Variants in NELFA observed in about 807,000 individuals in gnomAD.
The protein encoded by NELFA is negative elongation factor complex member A, also known as negative elongation factor A.
In NELFA, 35 loss-of-function variants were observed where a neutral mutation model predicts 51.8. The ratio of observed to expected loss-of-function variants is 0.68; its 90% CI spans 0.52 to 0.90. The LOEUF is 0.90. Ranked by LOEUF, NELFA falls within the 40% of genes least tolerant of loss-of-function variation. The pLI, the probability that NELFA is intolerant of heterozygous loss-of-function variation, is 0.00. For synonymous variants in NELFA, 417 were observed against 338.4 expected (o/e 1.23, Z -2.55); for missense variants, 658 against 746.4 (o/e 0.88, Z 1.38).
intron 1 of NELFA, chr4:1,992,182 A>AG: frequency 4.6e-6 from 1 of 216,072 alleles, no homozygotes; most frequent in Non-Finnish European, 9.4e-6. Context: ...CCTGGGCAGC[A>AG]GGGGGTGGGG....
chr4:2,002,139 G>A (rs1016123275), intron 1 of NELFA, among the ~76,000 whole-genome samples: 2 of 152,046 alleles, frequency 1.3e-5, no homozygotes, highest in East Asian at 1.9e-4. Flanking sequence ...GGCGGAGCTT[G>A]CAATGAGCCA....
chr4:1,986,456 C>G (rs770096895), intron 4 of NELFA, 54 bp from the exon 5 acceptor site: 2 of 1,596,636 alleles, frequency 1.3e-6, no homozygotes, highest in Non-Finnish European at 1.7e-6. Flanking sequence ...AAACGTCCCC[C>G]ACCCCGAGCT....
chr4:1,983,153 A>G lies in NELFA; in HGVS notation c.*166T>C. ...TTAAAATTTTAAAAATAAGCCCCAA[A>G]TACCCCAGAGAAATGCATCCAGAAC... On this transcript the variant is annotated 3_prime_UTR_variant, in exon 11 of 11. Transcript: ENST00000382882. 1.8e-6 allele frequency: 1 copy of G among 563,474 alleles called. No homozygotes were observed. The highest frequency in any genetic ancestry group is 3.0e-6 in the Non-Finnish European group (1 of 336,970). The allele number at this position is 563,474 out of a possible 1,614,324, so 34.9% of individuals were successfully genotyped here.
chr4:1,986,291 C>A lies in NELFA; in HGVS notation c.746G>T (p.Arg249Leu), dbSNP rs370942710. ...GCCTACCTTCACACCTCGTTCCTTC[C>A]GCAGCAGCGTCCTGGAAGGCGGGAT... is the stretch of plus-strand genomic sequence containing the variant. Reference protein sequence around the residue: ...TPIPPSRTLLRKERGVKLLDI... With the variant: ...TPIPPSRTLLLKERGVKLLDI... Residue 249 changes from arginine (R) to leucine (L), a missense_variant, in exon 5 of 11, where the codon CGG (arginine) becomes CTG (leucine). By Grantham distance (102) the Arg-to-Leu change is moderately radical. Transcript: ENST00000382882. 2 of 1,585,490 alleles carry A rather than the reference C, an allele frequency of 1.3e-6. No homozygotes were observed. Among genetic ancestry groups the A allele is most frequent in the Non-Finnish European group, 8.6e-7 (1 of 1,165,724 alleles).
Position 1,983,913 on chromosome 4 carries a change from C to T in NELFA, c.1237G>A (p.Ala413Thr), listed in dbSNP as rs1268522089. The T allele has an allele frequency of 4.4e-6, 7 of 1,605,278 alleles. No individual in the cohort carries two copies. The South Asian group carries it at 7.8e-5, about 18-fold the overall frequency. Reference sequence around the variant, plus strand: ...GCCTGGGTCTGCGGGGCCACCATGGCAACCGGGGGTGTCTGAGTGGTAGGG... The same window carrying T: ...GCCTGGGTCTGCGGGGCCACCATGGTAACCGGGGGTGTCTGAGTGGTAGGG... Reference protein sequence around the residue: ...VAPTTQTPPVAMVAPQTQAPA... With the variant: ...VAPTTQTPPVTMVAPQTQAPA... Residue 413 changes from alanine to threonine, a missense_variant, in exon 9 of 11, where the codon GCC becomes ACC. Coordinates refer to ENST00000382882, the MANE Select transcript of NELFA (RefSeq NM_005663.5).
chr4:1,989,868 C>T lies in NELFA; in HGVS notation c.384G>A (p.Val128=), dbSNP rs1428475076. The part of the protein sequence containing the change: ...QDILGELREK[V]GECEASAMLP... ...GCATGGCAGACGCTTCACACTCACC[C>T]ACTGCCGGTAAGAACCACATGAAGT... The change falls in exon 3 of 11, where the codon GTG becomes GTA. Residue 128 remains valine, a splice_region_variant and synonymous_variant. Coordinates refer to ENST00000382882, the MANE Select transcript of NELFA (RefSeq NM_005663.5). The surrounding 1 kb of genome is among the most constrained non-coding windows in gnomAD (Gnocchi z 4.8). 2 of 1,612,988 alleles carry T rather than the reference C, an allele frequency of 1.2e-6. No homozygotes were observed. Among genetic ancestry groups the T allele is most frequent in the Non-Finnish European group, 1.7e-6 (2 of 1,179,504 alleles).
chr4:1,998,788 T>C (rs1239854951), intron 1 of NELFA, among the ~76,000 whole-genome samples: 1 of 151,984 alleles, frequency 6.6e-6, no homozygotes, highest in Non-Finnish European at 1.5e-5. Context: ...ATTTGGGAAA[T>C]ACAGAGAACC....
At chr4:1,994,558 CTG>C (rs1484571938) in intron 1 of NELFA, among the ~76,000 whole-genome samples, 2 of 148,320 alleles carry the variant, frequency 1.3e-5, no homozygotes, top group African/African-American at 2.5e-5. Context: ...GAGCAAGAGT[CTG>C]TCAAAAAAAA....
At chr4:2,001,988 C>T (rs1447044927) in intron 1 of NELFA, among the ~76,000 whole-genome samples, 3 of 151,404 alleles carry the variant, frequency 2.0e-5, no homozygotes, top group African/African-American at 4.9e-5. Context: ...ATCATGAGGT[C>T]AGGAGATCGA....
chr4:2,002,116 C>T (rs554690118), intron 1 of NELFA, among the ~76,000 whole-genome samples: 44 of 151,960 alleles, frequency 2.9e-4, no homozygotes, highest in Non-Finnish European at 4.1e-4. Context: ...AGGAGAATGG[C>T]GTGAACCCGG....
chr4:1,988,857 C>A (rs1468729909), intron 3 of NELFA, among the ~76,000 whole-genome samples: 1 of 152,160 alleles, frequency 6.6e-6, no homozygotes. Flanking sequence ...CTGGCACCCA[C>A]CGTGCCCAAC....
At chr4:1,993,536 C>T (rs866896181) in intron 1 of NELFA, among the ~76,000 whole-genome samples, 8 of 148,096 alleles carry the variant, frequency 5.4e-5, no homozygotes, top group African/African-American at 2.0e-4. Flanking sequence ...TGAGATCGCA[C>T]CATTGCACTC....
At chr4:1,984,343 C>T (rs567265561) in intron 8 of NELFA, among the ~76,000 whole-genome samples, 1 of 152,162 alleles carries the variant, frequency 6.6e-6, no homozygotes, top group Non-Finnish European at 1.5e-5. Flanking sequence ...GGACTCTGGC[C>T]AGCTGCTGGC....
chr4:1,983,568 AC>A (rs1355960499), intron 10 of NELFA, 27 bp downstream of exon 10: 1 of 1,611,948 alleles, frequency 6.2e-7, no homozygotes, highest in East Asian at 2.2e-5. Flanking sequence ...GGCCCGGTGC[AC>A]CCCCAGGCCC....
chr4:1,999,264 C>G (rs949052383), intron 1 of NELFA, among the ~76,000 whole-genome samples: 3 of 151,132 alleles, frequency 2.0e-5, no homozygotes, highest in African/African-American at 7.3e-5. Flanking sequence ...CAGATACCAT[C>G]ATGATTACAG....
At position 1,987,976 on chromosome 4, in the gene NELFA, G is replaced by A. The variant is rs141487430; in HGVS notation, c.576C>T (p.Ser192=). ...STETAQQLKR[S]AGVPFHAKGR... ...CCTTGGCGTGGAAGGGCACCCCGGC[G>A]CTCCGCTTCAACTGCTGGGCGGTCT... Residue 192 remains serine, a synonymous_variant, in exon 4 of 11, where the codon AGC becomes AGT. Transcript: ENST00000382882. 130 of 1,611,120 alleles carry A rather than the reference G, an allele frequency of 8.1e-5. No homozygotes were observed. The highest frequency in any genetic ancestry group is 3.3e-4 in the Middle Eastern group (2 of 6,078).
chr4:1,983,564 G>A lies in NELFA; in HGVS notation c.1402+32C>T, dbSNP rs746264467. On this transcript the variant is annotated intron_variant, in intron 10 of 10. Transcript: ENST00000382882. Reference sequence around the variant, plus strand: ...GGGCACCCGCCCCCAACCCGGCCCGGTGCACCCCCAGGCCCTGCCTTATGA... The same window carrying A: ...GGGCACCCGCCCCCAACCCGGCCCGATGCACCCCCAGGCCCTGCCTTATGA... 7 of 1,612,584 alleles carry A rather than the reference G, an allele frequency of 4.3e-6. No homozygotes were observed. The Admixed American group carries it at 6.7e-5, about 15-fold the overall frequency.
Position 1,987,912 on chromosome 4 carries a change from C to A in NELFA, c.634+6G>T, listed in dbSNP as rs1251845030. On this transcript the variant is annotated splice_donor_region_variant and intron_variant, in intron 4 of 10. Transcript: ENST00000382882. ...AAGGCTCACGGCACCAGGGTGGGGG[C>A]CTTACTGGTGGTGTCCATCTTCCGC... is the stretch of plus-strand genomic sequence containing the variant. 1 of 1,600,594 alleles carries A rather than the reference C, an allele frequency of 6.2e-7. No homozygotes were observed. The highest frequency in any genetic ancestry group is 8.5e-7 in the Non-Finnish European group (1 of 1,175,010).
chr4:1,984,616 GC>G (rs1439688413), intron 8 of NELFA, among the ~76,000 whole-genome samples, 191 bp downstream of exon 8: 5 of 152,248 alleles, frequency 3.3e-5, no homozygotes, highest in Admixed American at 2.6e-4. Context: ...GCAGGGTGGG[GC>G]AAAGCAGCTG....
Sources: allele counts gnomAD v4.1 joint callset (sites outside exome capture counted in the v4.1 genomes callset), GRCh38; gene constraint gnomAD v4.1.1; non-coding constraint Gnocchi (gnomAD v3.1); transcripts MANE v1.5; gene names NCBI Gene and HGNC (gene_info 2026-07-23, HGNC 2026-07-21).